The following GLB1 variants were observed in gnomAD, a reference collection of about 807,000 sequenced individuals.
GLB1 encodes beta-galactosidase.
A neutral mutation model predicts 74.0 loss-of-function variants in GLB1; 56 were observed. That is an observed-to-expected ratio of 0.76 (90% confidence interval 0.61 to 0.94). GLB1 has a LOEUF of 0.94. GLB1 is among the 40% of genes least tolerant of loss of function. The pLI, the probability that GLB1 is intolerant of heterozygous loss-of-function variation, is 0.00. For synonymous variants in GLB1, 323 were observed against 323.6 expected (o/e 1.00, Z 0.02); for missense variants, 787 against 845.5 (o/e 0.93, Z 0.86).
intron 9 of GLB1, among the ~76,000 whole-genome samples, chr3:33,049,415 ATTTAT>A (rs1191388145): frequency 2.6e-5 from 4 of 152,130 alleles, no homozygotes; most frequent in Admixed American, 2.0e-4. Context: ...TCACTTAGGT[ATTTAT>A]TTTATTTTAT....
At chr3:33,096,662 C>G (rs1036341974) in intron 1 of GLB1, 6 of 1,125,850 alleles carry the variant, frequency 5.3e-6, no homozygotes, top group Non-Finnish European at 6.5e-6. Context: ...CACCCTCTAA[C>G]CCGCGCAACT....
chr3:33,021,868 G>A (rs1372476194), intron 11 of GLB1, among the ~76,000 whole-genome samples: 1 of 152,166 alleles, frequency 6.6e-6, no homozygotes, highest in Non-Finnish European at 1.5e-5. Flanking sequence ...AATGATAGTA[G>A]TCTTAAAAAG....
At chr3:33,058,617 TGAAAA>T (rs758308409) in intron 5 of GLB1, among the ~76,000 whole-genome samples, 21 of 151,838 alleles carry the variant, frequency 1.4e-4, no homozygotes, top group Non-Finnish European at 5.9e-5. Flanking sequence ...GCTAGAAAAA[TGAAAA>T]GAAAACAGGA....
At chr3:33,065,322 G>T in intron 5 of GLB1, 141 bp downstream of exon 5, 1 of 1,175,646 alleles carries the variant, frequency 8.5e-7, no homozygotes, top group Non-Finnish European at 1.2e-6. Flanking sequence ...AAATGCAATT[G>T]AACTAAAAGC....
At chr3:32,995,413 TG>T (rs1432004045), downstream of GLB1, among the ~76,000 whole-genome samples, 2 of 152,154 alleles carry the variant, frequency 1.3e-5, no homozygotes, top group African/African-American at 4.8e-5. Context: ...TATGAGTCCA[TG>T]TAGCACCTCC....
At chr3:32,962,715 G>T in the GLB1 span, among the ~76,000 whole-genome samples, 1 of 151,238 alleles carries the variant, frequency 6.6e-6, no homozygotes, top group Non-Finnish European at 1.5e-5. Flanking sequence ...AAAGAGAATA[G>T]AAATAAATAA....
At chr3:33,028,589 G>C (rs534652050) in intron 10 of GLB1, among the ~76,000 whole-genome samples, 2 of 151,776 alleles carry the variant, frequency 1.3e-5, no homozygotes, top group Non-Finnish European at 2.9e-5. Flanking sequence ...CAAAGGATAT[G>C]AGTATAAGAC....
At chr3:33,012,452 G>A (rs57398787) in intron 15 of GLB1, among the ~76,000 whole-genome samples, 3 of 152,104 alleles carry the variant, frequency 2.0e-5, no homozygotes, top group African/African-American at 7.2e-5. Flanking sequence ...GAGCTCCTTT[G>A]CCCCTTCAGC....
intron 10 of GLB1, chr3:33,030,341 T>C (rs987791786): frequency 6.3e-5 from 14 of 221,580 alleles, no homozygotes; most frequent in Non-Finnish European, 9.9e-5. Context: ...TTTAGAGAAA[T>C]CACTCTGGGA....
At position 33,093,868 on chromosome 3, in the gene GLB1, C is replaced by A; in HGVS notation, c.75+3143G>T. 1 of 1,613,772 alleles carries A rather than the reference C, an allele frequency of 6.2e-7. No homozygotes were observed. Among genetic ancestry groups the A allele is most frequent in the Non-Finnish European group, 8.5e-7 (1 of 1,179,870 alleles). ...GCCGCCAAGGAAAAGAGATAGGGCTCTTCGGCCACTAAAAAGAACATGGTA... is the reference window on the plus strand; with the variant it reads ...GCCGCCAAGGAAAAGAGATAGGGCTATTCGGCCACTAAAAAGAACATGGTA... On this transcript the variant is annotated intron_variant, in intron 1 of 15. Transcript: ENST00000307363. This position sits in a 1 kb window ranked among gnomAD's most constrained non-coding sequence, Gnocchi z 6.0.
rs1184854503 is a variant in GLB1, at chr3:33,087,782, C to T, written c.75+9229G>A. ...CTATGAGACCAATATTATCCTAATA[C>T]CAAAGCCAGACAAATACACTACAAG... On this transcript the variant is annotated intron_variant, in intron 1 of 15. Transcript: ENST00000307363. Among the ~76,000 whole-genome samples the T allele has an allele frequency of 3.3e-5, 5 of 152,044 alleles. No individual in the cohort carries two copies. In the East Asian group the frequency reaches 5.8e-4, roughly 18 times the overall value.
chr3:33,046,320 G>A, intron 9 of GLB1, 88 bp from the exon 10 acceptor site: 1 of 1,487,996 alleles, frequency 6.7e-7, no homozygotes, highest in Non-Finnish European at 9.3e-7. Flanking sequence ...GCACTGTAGA[G>A]AGAGAAAACT....
intron 5 of GLB1, 33 bp downstream of exon 5, chr3:33,065,430 C>T: frequency 6.4e-7 from 1 of 1,554,814 alleles, no homozygotes; most frequent in Non-Finnish European, 8.7e-7. Flanking sequence ...GGAACCCCTC[C>T]CCCAATCCAT....
At chr3:33,023,860 C>A (rs1024095480) in intron 11 of GLB1, among the ~76,000 whole-genome samples, 6 of 152,106 alleles carry the variant, frequency 3.9e-5, no homozygotes, top group Non-Finnish European at 5.9e-5. Flanking sequence ...TATCAAAATG[C>A]CTGTGATTTT....
intron 10 of GLB1, among the ~76,000 whole-genome samples, chr3:33,024,633 G>A (rs1366720211): frequency 2.0e-5 from 3 of 152,070 alleles, no homozygotes; most frequent in Non-Finnish European, 4.4e-5. Flanking sequence ...GGAGTGGGAG[G>A]AAAAAAGGAA....
chr3:32,988,167 C>G, the GLB1 span, among the ~76,000 whole-genome samples: 1 of 110,022 alleles, frequency 9.1e-6, no homozygotes, highest in South Asian at 2.9e-4. Context: ...GCCTGGGTGA[C>G]AGAGCAAGAC....
chr3:33,039,751 A>G (rs1244855951), intron 10 of GLB1, among the ~76,000 whole-genome samples: 1 of 152,222 alleles, frequency 6.6e-6, no homozygotes, highest in Admixed American at 6.5e-5. Flanking sequence ...CAAAAGAAAT[A>G]ATGCCATAGA....
intron 10 of GLB1, among the ~76,000 whole-genome samples, chr3:33,036,223 A>T (rs973463525): frequency 3.9e-5 from 6 of 152,096 alleles, no homozygotes; most frequent in African/African-American, 1.4e-4. Flanking sequence ...ATACAGAAGG[A>T]TTGAGGGTGA....
the GLB1 span, among the ~76,000 whole-genome samples, chr3:32,966,423 A>G: frequency 2.6e-5 from 4 of 152,138 alleles, no homozygotes; most frequent in Non-Finnish European, 5.9e-5. Context: ...GATTTCTCCC[A>G]TTTGGAGCAG....
Sources: allele counts gnomAD v4.1 joint callset (sites outside exome capture counted in the v4.1 genomes callset), GRCh38; gene constraint gnomAD v4.1.1; non-coding constraint Gnocchi (gnomAD v3.1); transcripts MANE v1.5; gene names NCBI Gene and HGNC (gene_info 2026-07-23, HGNC 2026-07-21).